CAPZA1: variants seen among roughly 807,000 people sequenced by gnomAD.
The protein encoded by CAPZA1 is capping actin protein of muscle Z-line subunit alpha 1.
In CAPZA1, 10 loss-of-function variants were observed where a neutral mutation model predicts 40.8. That is an observed-to-expected ratio of 0.25 (90% CI 0.15 to 0.42). The LOEUF (loss-of-function observed/expected upper bound fraction) is 0.42, where lower values mean the gene tolerates loss of function less well. Ranked by LOEUF, CAPZA1 falls within the 10% of genes least tolerant of loss-of-function variation. The pLI, the probability that CAPZA1 is intolerant of heterozygous loss-of-function variation, is 1.00. For synonymous variants in CAPZA1, 98 were observed against 115.0 expected, an observed-to-expected ratio of 0.85 and a Z score of 0.95; for missense variants, 277 against 353.8, an observed-to-expected ratio of 0.78 and a Z score of 1.74.
In CAPZA1 at chr1:112,659,006, T is replaced by G; in HGVS notation, c.427-16T>G. 1 of 1,592,838 alleles carries G rather than the reference T, an allele frequency of 6.3e-7. No homozygotes were observed. The highest frequency in any genetic ancestry group is 8.6e-7 in the Non-Finnish European group (1 of 1,160,768). ...AGTGTTTGGAGTCTTTAACTATTTT[T>G]TTTTCCCAACAATAGGTTTATGCTA... On this transcript the variant is annotated splice_polypyrimidine_tract_variant and intron_variant, in intron 5 of 9. Transcript: ENST00000263168.
At chr1:112,653,700 A>C (rs765894543) in intron 4 of CAPZA1, 39 bp downstream of exon 4, 30 of 1,329,184 alleles carry the variant, frequency 2.3e-5, no homozygotes, top group Non-Finnish European at 3.1e-5. Context: ...CCTGGCAGAT[A>C]GTAGAGATCC....
intron 1 of CAPZA1, among the ~76,000 whole-genome samples, chr1:112,638,931 GA>G (rs1455755490): frequency 4.0e-5 from 6 of 149,360 alleles, no homozygotes; most frequent in South Asian, 2.1e-4. Context: ...TATAGATATA[GA>G]TATAGGTATA....
chr1:112,635,712 G>A (rs1039506347), intron 1 of CAPZA1, among the ~76,000 whole-genome samples: 6 of 152,072 alleles, frequency 3.9e-5, no homozygotes, highest in South Asian at 2.1e-4. Context: ...GTGAGCCACC[G>A]TGCCCGGCCC....
At chr1:112,631,579 C>T (rs1173911773) in intron 1 of CAPZA1, among the ~76,000 whole-genome samples, 1 of 152,160 alleles carries the variant, frequency 6.6e-6, no homozygotes, top group African/African-American at 2.4e-5. Context: ...CATACCAGAT[C>T]TTAAAGGCAA....
intron 6 of CAPZA1, 180 bp from the exon 7 acceptor site, chr1:112,659,521 G>C (rs947325291): frequency 5.1e-6 from 3 of 588,524 alleles, no homozygotes; most frequent in Admixed American, 3.0e-5. Flanking sequence ...CTTAGATCCA[G>C]ACTTACATTT....
rs1671821851 is a variant in CAPZA1, at chr1:112,671,081, C to T, written c.*949C>T. On this transcript the variant is annotated 3_prime_UTR_variant, in exon 10 of 10. Transcript: ENST00000263168. ...ATGAACCAAAGTGAAAGGATAACTT[C>T]CAGGCAGTATCTTTCTATTGTAACC... 1 of 152,592 alleles carries T rather than the reference C, an allele frequency of 6.6e-6. No individual in the cohort carries two copies. Among genetic ancestry groups the T allele is most frequent in the African/African-American group, 2.4e-5 (1 of 41,442 alleles). The allele number at this position is 152,592 out of a possible 1,614,324, so 9.5% of individuals were successfully genotyped here. A position where few individuals can be genotyped will look rare whatever the true frequency, so the allele number is the denominator to read the frequency against.
chr1:112,660,063 T>G (rs1451996862), intron 7 of CAPZA1, among the ~76,000 whole-genome samples: 3 of 151,928 alleles, frequency 2.0e-5, no homozygotes, highest in Non-Finnish European at 2.9e-5. Flanking sequence ...TAGGAAAGAT[T>G]TAAAATTAAT....
rs1439015397 is a variant in CAPZA1, at chr1:112,619,841, C to A, written c.-4C>A. 1.2e-6 allele frequency: 2 copies of A among 1,612,994 alleles called. No homozygotes were observed. Among genetic ancestry groups the A allele is most frequent in the Non-Finnish European group, 1.7e-6 (2 of 1,179,568 alleles). ...GTAGCCGGGCTGGGCCAGAACAGCC[C>A]AAGATGGCCGACTTCGATGATCGTG... On this transcript the variant is annotated 5_prime_UTR_variant, in exon 1 of 10. Transcript: ENST00000263168.
At chr1:112,636,238 C>T (rs1671016872) in intron 1 of CAPZA1, among the ~76,000 whole-genome samples, 1 of 152,056 alleles carries the variant, frequency 6.6e-6, no homozygotes, top group African/African-American at 2.4e-5. Context: ...TTCAGTGCGA[C>T]TGATTTTTAA....
intron 1 of CAPZA1, among the ~76,000 whole-genome samples, chr1:112,640,440 A>G: frequency 8.4e-6 from 1 of 118,698 alleles, no homozygotes; most frequent in African/African-American, 3.4e-5. Context: ...CCCTACTGGG[A>G]AGTGAGGAGC....
intron 7 of CAPZA1, among the ~76,000 whole-genome samples, chr1:112,663,073 T>G (rs1444239330): frequency 6.6e-6 from 1 of 152,178 alleles, no homozygotes; most frequent in Non-Finnish European, 1.5e-5. Flanking sequence ...CAAGCGATTC[T>G]CCTGCCTCAG....
At chr1:112,636,297 C>G (rs1296926994) in intron 1 of CAPZA1, among the ~76,000 whole-genome samples, 1 of 152,006 alleles carries the variant, frequency 6.6e-6, no homozygotes, top group Non-Finnish European at 1.5e-5. Context: ...TTGAATCTTG[C>G]AAGGATTGGT....
intron 7 of CAPZA1, among the ~76,000 whole-genome samples, chr1:112,660,395 C>T (rs1671581859): frequency 6.6e-6 from 1 of 152,182 alleles, no homozygotes; most frequent in South Asian, 2.1e-4. Context: ...ATTCTCCTGC[C>T]TCGGCCTCCC....
intron 1 of CAPZA1, among the ~76,000 whole-genome samples, chr1:112,632,030 TGTG>T (rs1436125088): frequency 6.6e-6 from 1 of 152,166 alleles, no homozygotes; most frequent in African/African-American, 2.4e-5. Context: ...TATGGCCAGG[TGTG>T]GTGGCTCATG....
At chr1:112,642,807 G>A (rs947772235) in intron 1 of CAPZA1, among the ~76,000 whole-genome samples, 1 of 152,012 alleles carries the variant, frequency 6.6e-6, no homozygotes, top group Non-Finnish European at 1.5e-5. Context: ...TGAAAATTTG[G>A]GTGGGACTTC....
chr1:112,639,850 G>A (rs1342156805), intron 1 of CAPZA1, among the ~76,000 whole-genome samples: 7 of 142,272 alleles, frequency 4.9e-5, no homozygotes, highest in Admixed American at 7.0e-5. Context: ...CAGCCGCCCC[G>A]TCCGGGAGGG....
intron 7 of CAPZA1, among the ~76,000 whole-genome samples, chr1:112,665,611 G>C (rs926298160): frequency 1.3e-5 from 2 of 152,134 alleles, no homozygotes; most frequent in Non-Finnish European, 2.9e-5. Context: ...TCAGTGACTG[G>C]TGAGTTCTGT....
intron 7 of CAPZA1, among the ~76,000 whole-genome samples, chr1:112,662,389 A>ATTT (rs1307324033): frequency 9.0e-6 from 1 of 110,612 alleles, no homozygotes; most frequent in African/African-American, 3.0e-5. Flanking sequence ...ATTTTTTAGA[A>ATTT]TTTTTCTTTT....
chr1:112,658,438 T>C (rs1259771176), intron 5 of CAPZA1, among the ~76,000 whole-genome samples: 1 of 152,246 alleles, frequency 6.6e-6, no homozygotes, highest in African/African-American at 2.4e-5. Context: ...TAACTCTGAC[T>C]TGTTGCCTAG....
Sources: allele counts gnomAD v4.1 joint callset (sites outside exome capture counted in the v4.1 genomes callset), GRCh38; gene constraint gnomAD v4.1.1; transcripts MANE v1.5; gene names NCBI Gene and HGNC (gene_info 2026-07-23, HGNC 2026-07-21).